The following TCF20 variants were observed in gnomAD, a reference collection of about 807,000 sequenced individuals.
TCF20 encodes the protein transcription factor 20, also known as SPRE-binding protein.
Under a neutral mutation model 148.6 loss-of-function variants are expected in TCF20, and 3 were observed. That is an observed-to-expected ratio of 0.02 (90% CI 0.01 to 0.05). TCF20 has a LOEUF of 0.05. Ranked by LOEUF, TCF20 falls within the 10% of genes least tolerant of loss-of-function variation. The probability of loss-of-function intolerance (pLI) is 1.00; values close to 1 mark genes in which losing one functional copy is unlikely to be tolerated. For synonymous variants in TCF20, 1,049 were observed against 909.5 expected, an observed-to-expected ratio of 1.15 and a Z score of -2.76; for missense variants, 2,350 against 2,429.3, an observed-to-expected ratio of 0.97 and a Z score of 0.69.
At chr22:42,182,244 A>G (rs998633333) in intron 2 of TCF20, among the ~76,000 whole-genome samples, 4 of 152,178 alleles carry the variant, frequency 2.6e-5, no homozygotes, top group African/African-American at 7.2e-5. Flanking sequence ...TCTTGGCCAA[A>G]CTCCTAACCT....
At chr22:42,260,558 T>A (rs1330163702) in intron 1 of TCF20, among the ~76,000 whole-genome samples, 1 of 152,198 alleles carries the variant, frequency 6.6e-6, no homozygotes, top group Admixed American at 6.5e-5. Flanking sequence ...TATATGGTTT[T>A]TGTGAGGCAC....
intron 1 of TCF20, among the ~76,000 whole-genome samples, chr22:42,309,556 T>G (rs1386745654): frequency 6.6e-6 from 1 of 151,600 alleles, no homozygotes; most frequent in Non-Finnish European, 1.5e-5. Flanking sequence ...CTCCCCACAT[T>G]CAGGAGTTCC....
At chr22:42,185,571 G>A (rs1292453547) in intron 2 of TCF20, among the ~76,000 whole-genome samples, 2 of 152,096 alleles carry the variant, frequency 1.3e-5, no homozygotes, top group Non-Finnish European at 2.9e-5. Flanking sequence ...TAGGATGGAA[G>A]CCGCTGTCCT....
intron 1 of TCF20, among the ~76,000 whole-genome samples, chr22:42,257,633 A>G (rs914333824): frequency 6.6e-6 from 1 of 152,188 alleles, no homozygotes; most frequent in African/African-American, 2.4e-5. Context: ...CCCTGACTAT[A>G]AGGACCTTAG....
chr22:42,213,766 G>C lies in TCF20; in HGVS notation c.1540C>G (p.Pro514Ala). Residue 514 changes from proline (P) to alanine (A), a missense_variant, in exon 2 of 6, where the codon CCT becomes GCT. By Grantham distance (27) the Pro-to-Ala change is conservative. Coordinates refer to ENST00000677622, the MANE Select transcript of TCF20 (RefSeq NM_001378418.1). ...CCTCCATCTAATGACTCTGCCATAG[G>C]GGACTTCAGCTGTTCTTCAGGTTGT... ...SSQPEEQLKS[P>A]MAESLDGGCS... The C allele has an allele frequency of 2.5e-6, 4 of 1,614,104 alleles. No individual in the cohort carries two copies. The highest frequency in any genetic ancestry group is 3.4e-6 in the Non-Finnish European group (4 of 1,180,028).
At chr22:42,218,298 T>G (rs1277391218) in intron 1 of TCF20, among the ~76,000 whole-genome samples, 1 of 152,172 alleles carries the variant, frequency 6.6e-6, no homozygotes, top group African/African-American at 2.4e-5. Context: ...TCCTGTCAGT[T>G]TGGCCTTGAA....
At chr22:42,329,813 TC>T (rs896650468) in intron 1 of TCF20, among the ~76,000 whole-genome samples, 3 of 150,678 alleles carry the variant, frequency 2.0e-5, no homozygotes, top group Non-Finnish European at 4.4e-5. Flanking sequence ...GTCCCCTTCC[TC>T]CCCCTGCCTG....
intron 1 of TCF20, among the ~76,000 whole-genome samples, chr22:42,316,334 C>G (rs1031891679): frequency 2.6e-5 from 4 of 152,022 alleles, no homozygotes; most frequent in African/African-American, 9.7e-5. Context: ...AAACGCTGAC[C>G]CTGTGAAAAT....
intron 1 of TCF20, among the ~76,000 whole-genome samples, chr22:42,219,133 C>G (rs1922092359): frequency 2.0e-5 from 3 of 151,416 alleles, no homozygotes; most frequent in Admixed American, 6.6e-5. Context: ...CCTGTAATCC[C>G]AGTGTTTTGG....
chr22:42,210,120 T>A lies in TCF20; in HGVS notation c.5186A>T (p.Tyr1729Phe). 1 of 1,614,180 alleles carries A rather than the reference T, an allele frequency of 6.2e-7. No homozygotes were observed. Among genetic ancestry groups the A allele is most frequent in the Non-Finnish European group, 8.5e-7 (1 of 1,180,032 alleles). ...TGGATTCTTCGGGAGAGTGGCTGCA[T>A]AATCTTGGGGATAAAAAGGTCCAAA... ...DLFGPFYPQD[Y>F]AATLPKNPPP... Residue 1729 changes from tyrosine to phenylalanine, a missense_variant, in exon 2 of 6, where the codon TAT (tyrosine) becomes TTT (phenylalanine). This residue lies in a region of TCF20 where 374 missense variants were observed against 398.3 expected (regional missense o/e 0.94). Transcript: ENST00000677622. This position sits in a 1 kb window ranked among gnomAD's most constrained non-coding sequence, Gnocchi z 4.7.
intron 1 of TCF20, among the ~76,000 whole-genome samples, chr22:42,227,835 A>G (rs1341878195): frequency 1.3e-5 from 2 of 152,212 alleles, no homozygotes; most frequent in East Asian, 1.9e-4. Context: ...AGGACATTGC[A>G]TAAGAAGAAG....
At chr22:42,264,393 T>A (rs555563730) in intron 1 of TCF20, among the ~76,000 whole-genome samples, 15 of 152,226 alleles carry the variant, frequency 9.9e-5, no homozygotes, top group African/African-American at 2.9e-4. Flanking sequence ...GATGATTTTT[T>A]AAAAAAAGCA....
chr22:42,341,460 C>T (rs186989919), intron 1 of TCF20, among the ~76,000 whole-genome samples: 127 of 152,112 alleles, frequency 8.3e-4, no homozygotes, highest in African/African-American at 2.9e-3. Flanking sequence ...CCACCATTAC[C>T]GTCCCAGCGA....
intron 1 of TCF20, among the ~76,000 whole-genome samples, chr22:42,322,397 A>C (rs1353406859): frequency 6.6e-6 from 1 of 151,792 alleles, no homozygotes; most frequent in Non-Finnish European, 1.5e-5. Flanking sequence ...AGAGAGGAGA[A>C]GGGGGTCTGC....
intron 2 of TCF20, among the ~76,000 whole-genome samples, chr22:42,197,884 G>C (rs1439209061): frequency 6.6e-6 from 1 of 152,182 alleles, no homozygotes; most frequent in Non-Finnish European, 1.5e-5. Flanking sequence ...ATGCCACTGA[G>C]GTAGCAGTAA....
chr22:42,243,310 A>AAAAAAAAAAAAAAAAAAAC lies in TCF20; in HGVS notation c.-37+27028_-37+27029insGTTTTTTTTTTTTTTTTTT, dbSNP rs1569180401. On this transcript the variant is annotated intron_variant, in intron 1 of 5. Coordinates refer to ENST00000677622, the MANE Select transcript of TCF20 (RefSeq NM_001378418.1). The stretch of plus-strand genomic sequence containing the variant: ...ACTGTCTCAAAAAAAAAAAAAAAAA[A>AAAAAAAAAAAAAAAAAAAC]AAAAAAAAAAAGTCAGGCATGATGG... Among the ~76,000 whole-genome samples, 175 of 140,910 alleles carry AAAAAAAAAAAAAAAAAAAC rather than the reference A, an allele frequency of 1.2e-3. 8 individuals carry two copies. The highest frequency in any genetic ancestry group is 4.9e-3 in the African/African-American group (161 of 32,976). 92.4% of individuals were successfully genotyped at this position (140,910 alleles called of 152,430 possible).
intron 2 of TCF20, among the ~76,000 whole-genome samples, chr22:42,195,169 T>G (rs1303282163): frequency 6.7e-6 from 1 of 149,908 alleles, no homozygotes; most frequent in Non-Finnish European, 1.5e-5. Context: ...AGTTGTGTTT[T>G]TCAACATTCA....
intron 1 of TCF20, among the ~76,000 whole-genome samples, chr22:42,324,104 T>A (rs376849086): frequency 9.6e-6 from 1 of 104,474 alleles, no homozygotes; most frequent in African/African-American, 3.9e-5. Context: ...GAGGTTATGG[T>A]GGTGGTGGTG....
rs1332957318 is a variant in TCF20, at chr22:42,292,934, C to T, written c.-37+50545G>A. Among the ~76,000 whole-genome samples, 2 of 150,998 alleles carry T rather than the reference C, an allele frequency of 1.3e-5. No homozygotes were observed. The highest frequency in any genetic ancestry group is 1.3e-4 in the Admixed American group (2 of 15,114). On this transcript the variant is annotated intron_variant, in intron 1 of 1. Coordinates refer to the TCF20 transcript ENST00000515426. This position sits in a 1 kb window ranked among gnomAD's most constrained non-coding sequence, Gnocchi z 4.9. The stretch of plus-strand genomic sequence containing the variant: ...ACATCCCCCTCCCACTCTGTCCTGC[C>T]CACCAGGAGTGGCGGGGTTTGAATT...
Sources: allele counts gnomAD v4.1 joint callset (sites outside exome capture counted in the v4.1 genomes callset), GRCh38; gene constraint gnomAD v4.1.1; regional missense constraint gnomAD v4.1.1; non-coding constraint Gnocchi (gnomAD v3.1); transcripts MANE v1.5; gene names NCBI Gene and HGNC (gene_info 2026-07-23, HGNC 2026-07-21).